DOCK3: variants seen among roughly 807,000 people sequenced by gnomAD.
The protein encoded by DOCK3 is dedicator of cytokinesis protein 3.
Under a neutral mutation model 265.6 loss-of-function variants are expected in DOCK3, and 60 were observed. That is an observed-to-expected ratio of 0.23 (90% confidence interval 0.18 to 0.28). The LOEUF is 0.28. Ranked by LOEUF, DOCK3 falls within the 10% of genes least tolerant of loss-of-function variation. The pLI is 1.00. For missense variants in DOCK3, 1,981 were observed against 2,594.3 expected, an observed-to-expected ratio of 0.76 and a Z score of 5.14; for synonymous variants, 881 against 938.0, an observed-to-expected ratio of 0.94 and a Z score of 1.11.
At chr3:51,325,219 A>G (rs1236157081) in intron 32 of DOCK3, among the ~76,000 whole-genome samples, 2 of 149,762 alleles carry the variant, frequency 1.3e-5, no homozygotes, top group African/African-American at 2.5e-5. Flanking sequence ...AATTTACAAG[A>G]AAAAAAAAAC....
At chr3:51,229,411 A>T (rs926396966) in intron 18 of DOCK3, 101 bp from the exon 19 acceptor site, 1 of 739,932 alleles carries the variant, frequency 1.4e-6, no homozygotes, top group Admixed American at 3.6e-5. Flanking sequence ...AGATCATACA[A>T]CCGCACTCCA....
At chr3:50,934,137 T>C in intron 5 of DOCK3, 60 bp downstream of exon 5, 1 of 1,178,596 alleles carries the variant, frequency 8.5e-7, no homozygotes, top group Non-Finnish European at 1.2e-6. Context: ...AGTAAAAATA[T>C]TAAACTATGC....
chr3:51,170,941 C>CAAA lies in DOCK3; in HGVS notation c.1037+10257_1037+10259dup, dbSNP rs146911259. 3.5e-4 allele frequency among the ~76,000 whole-genome samples: 21 copies of CAAA among 60,014 alleles called. No homozygotes were observed. The East Asian group carries it at 5.0e-3, about 14-fold the overall frequency. 39.4% of individuals were successfully genotyped at this position (60,014 alleles called of 152,430 possible). A position where few individuals can be genotyped will look rare whatever the true frequency, so the allele number is the denominator to read the frequency against. On this transcript the variant is annotated intron_variant, in intron 12 of 52. Coordinates refer to ENST00000266037, the MANE Select transcript of DOCK3 (RefSeq NM_004947.5). ...CTGGCCACAGAGCAAGACTCCATCT[C>CAAA]AAAAAAAAAAAAAAAAAAAAGATTT...
At chr3:51,199,111 A>G (rs1308496514) in intron 12 of DOCK3, among the ~76,000 whole-genome samples, 2 of 152,208 alleles carry the variant, frequency 1.3e-5, no homozygotes, top group African/African-American at 4.8e-5. Context: ...CGTCAGCGAC[A>G]CAGAAGACGG....
At chr3:51,067,456 T>TGTGC (rs1553750450) in intron 6 of DOCK3, among the ~76,000 whole-genome samples, 37 of 150,340 alleles carry the variant, frequency 2.5e-4, no homozygotes, top group African/African-American at 7.4e-4. Flanking sequence ...TGTGTGTGTG[T>TGTGC]GCGCGCGCGT....
chr3:50,916,441 A>G (rs2050130868), intron 4 of DOCK3, among the ~76,000 whole-genome samples: 1 of 151,842 alleles, frequency 6.6e-6, no homozygotes, highest in African/African-American at 2.4e-5. Context: ...CATTCTCTAC[A>G]TGGCCAACTT....
chr3:50,858,508 T>A (rs918797544), intron 3 of DOCK3, among the ~76,000 whole-genome samples: 5 of 151,952 alleles, frequency 3.3e-5, no homozygotes, highest in African/African-American at 7.2e-5. Context: ...GGGTTTCAGC[T>A]GAGACGTCTG....
chr3:51,144,958 A>G (rs1011073966), intron 9 of DOCK3, among the ~76,000 whole-genome samples: 3 of 152,184 alleles, frequency 2.0e-5, no homozygotes, highest in Non-Finnish European at 4.4e-5. Flanking sequence ...TCGGATAAAG[A>G]GGTGGGAATG....
chr3:51,188,670 T>A (rs149047676), intron 12 of DOCK3, among the ~76,000 whole-genome samples: 1 of 152,318 alleles, frequency 6.6e-6, no homozygotes, highest in East Asian at 1.9e-4. Context: ...TTCCCACATG[T>A]AAGTGAGAAT....
At chr3:51,292,161 AT>A (rs1311453956) in intron 27 of DOCK3, among the ~76,000 whole-genome samples, 1 of 152,070 alleles carries the variant, frequency 6.6e-6, no homozygotes, top group Non-Finnish European at 1.5e-5. Flanking sequence ...AACTGAAAGC[AT>A]TTTTTTTAAG....
intron 12 of DOCK3, among the ~76,000 whole-genome samples, chr3:51,191,773 A>G (rs2087962261): frequency 6.6e-6 from 1 of 151,824 alleles, no homozygotes; most frequent in Non-Finnish European, 1.5e-5. Flanking sequence ...CACTACCTCC[A>G]ATCTGCCATC....
At chr3:51,199,150 C>T (rs373206816) in intron 12 of DOCK3, among the ~76,000 whole-genome samples, 3 of 152,252 alleles carry the variant, frequency 2.0e-5, no homozygotes, top group South Asian at 2.1e-4. Context: ...TCTGAGGTAC[C>T]GGGTTCATCT....
At chr3:50,864,602 T>C (rs1240010738) in intron 3 of DOCK3, among the ~76,000 whole-genome samples, 2 of 152,142 alleles carry the variant, frequency 1.3e-5, no homozygotes, top group African/African-American at 4.8e-5. Flanking sequence ...TTTTAATCCA[T>C]TTTGAGTTGA....
At chr3:50,923,830 A>C (rs560654964) in intron 4 of DOCK3, among the ~76,000 whole-genome samples, 1 of 152,122 alleles carries the variant, frequency 6.6e-6, no homozygotes, top group African/African-American at 2.4e-5. Context: ...GTGCAGAGGG[A>C]TGCTGTAGTC....
intron 3 of DOCK3, among the ~76,000 whole-genome samples, chr3:50,853,800 A>T (rs995007168): frequency 2.0e-5 from 3 of 151,928 alleles, no homozygotes; most frequent in African/African-American, 4.8e-5. Flanking sequence ...TTTCGATAAA[A>T]CAGTTTCTTT....
intron 3 of DOCK3, among the ~76,000 whole-genome samples, chr3:50,846,837 G>A (rs990261250): frequency 2.0e-5 from 3 of 152,120 alleles, no homozygotes; most frequent in African/African-American, 4.8e-5. Context: ...AGGATCTTTC[G>A]TATTTGTGTG....
intron 1 of DOCK3, among the ~76,000 whole-genome samples, chr3:50,677,996 C>T (rs150413997): frequency 6.8e-4 from 103 of 152,116 alleles, no homozygotes; most frequent in Non-Finnish European, 1.3e-3. Flanking sequence ...TAGGTAACCC[C>T]ATGTCGATTC....
At chr3:51,258,219 A>G (rs1560300636) in intron 22 of DOCK3, among the ~76,000 whole-genome samples, 1 of 152,168 alleles carries the variant, frequency 6.6e-6, no homozygotes, top group South Asian at 2.1e-4. Flanking sequence ...AAACAAAAAA[A>G]CTTTTTAAAA....
At chr3:50,924,358 A>G (rs569772507) in intron 4 of DOCK3, among the ~76,000 whole-genome samples, 2 of 152,362 alleles carry the variant, frequency 1.3e-5, no homozygotes, top group South Asian at 2.1e-4. Flanking sequence ...AAAGTCTTCT[A>G]TAGTCTTGTC....
Sources: gnomAD v4.1 joint callset for allele counts (sites outside exome capture counted in the v4.1 genomes callset) on GRCh38, gnomAD v4.1.1 for gene constraint, MANE v1.5 for transcripts, NCBI Gene and HGNC (gene_info 2026-07-23, HGNC 2026-07-21) for gene names.